The following CDC14A variants were observed in gnomAD, a reference collection of about 807,000 sequenced individuals.
The protein encoded by CDC14A is dual specificity protein phosphatase CDC14A.
CDC14A carries 53 observed loss-of-function variants against 74.4 expected under a neutral mutation model. The observed-to-expected ratio is 0.71, with a 90% confidence interval of 0.57 to 0.89. The LOEUF is 0.89. CDC14A is among the 40% of genes least tolerant of loss of function. CDC14A has a pLI of 0.00. For missense variants in CDC14A, 646 were observed against 713.7 expected (o/e 0.91, Z 1.08); for synonymous variants, 247 against 258.4 (o/e 0.96, Z 0.43).
At chr1:100,348,708 T>A (rs1328184999), upstream of CDC14A, among the ~76,000 whole-genome samples, 1 of 152,234 alleles carries the variant, frequency 6.6e-6, no homozygotes, top group Non-Finnish European at 1.5e-5. Flanking sequence ...TGCCTTTGCA[T>A]TTTTGAAGAG....
chr1:100,451,405 C>T (rs755770595), intron 7 of CDC14A, among the ~76,000 whole-genome samples: 2 of 152,170 alleles, frequency 1.3e-5, no homozygotes, highest in Non-Finnish European at 2.9e-5. Flanking sequence ...ACACCGTCTC[C>T]CTCAAAAGCA....
At chr1:100,467,807 T>C in intron 9 of CDC14A, 149 bp from the exon 10 acceptor site, 2 of 733,576 alleles carry the variant, frequency 2.7e-6, no homozygotes, top group Non-Finnish European at 4.2e-6. Flanking sequence ...AAAAATTGGG[T>C]TTTACATGAT....
intron 7 of CDC14A, among the ~76,000 whole-genome samples, chr1:100,449,274 G>A (rs890942588): frequency 6.6e-5 from 10 of 152,136 alleles, no homozygotes; most frequent in South Asian, 4.1e-4. Flanking sequence ...GGGCCTCTTC[G>A]ATCAAGACTT....
chr1:100,413,287 T>C (rs1661111984), intron 4 of CDC14A, among the ~76,000 whole-genome samples: 1 of 152,168 alleles, frequency 6.6e-6, no homozygotes, highest in Non-Finnish European at 1.5e-5. Flanking sequence ...TTGTGTGCAT[T>C]GTTAGTTTTC....
At chr1:100,363,802 T>C (rs1480658112) in intron 2 of CDC14A, among the ~76,000 whole-genome samples, 2 of 152,132 alleles carry the variant, frequency 1.3e-5, no homozygotes, top group Non-Finnish European at 2.9e-5. Flanking sequence ...ATATCAAAGT[T>C]TTATAATTTG....
At chr1:100,415,338 C>T (rs574547108) in intron 4 of CDC14A, among the ~76,000 whole-genome samples, 2 of 152,258 alleles carry the variant, frequency 1.3e-5, no homozygotes, top group Admixed American at 6.5e-5. Flanking sequence ...AAAGAGATGT[C>T]ACATGAGGGT....
At chr1:100,357,102 G>C (rs1652020332) in intron 2 of CDC14A, among the ~76,000 whole-genome samples, 1 of 152,048 alleles carries the variant, frequency 6.6e-6, no homozygotes, top group African/African-American at 2.4e-5. Context: ...TGGCTTTGGT[G>C]GGAAGATCAG....
At chr1:100,365,985 T>C (rs1307306511) in intron 2 of CDC14A, among the ~76,000 whole-genome samples, 1 of 129,886 alleles carries the variant, frequency 7.7e-6, no homozygotes, top group East Asian at 2.1e-4. Context: ...CACGGTCTCA[T>C]TGTGTTTTGG....
intron 2 of CDC14A, among the ~76,000 whole-genome samples, chr1:100,367,768 G>A (rs1439189672): frequency 1.3e-5 from 2 of 152,134 alleles, no homozygotes; most frequent in Non-Finnish European, 2.9e-5. Flanking sequence ...GGCCCACTGA[G>A]CTTCAACATA....
At chr1:100,421,624 A>T (rs988008848) in intron 4 of CDC14A, among the ~76,000 whole-genome samples, 12 of 152,206 alleles carry the variant, frequency 7.9e-5, no homozygotes, top group South Asian at 2.1e-4. Flanking sequence ...ATGAAATGGC[A>T]TTTAGGAACT....
At chr1:100,499,779 C>T (rs931034981) in intron 15 of CDC14A, among the ~76,000 whole-genome samples, 3 of 151,978 alleles carry the variant, frequency 2.0e-5, no homozygotes, top group African/African-American at 7.3e-5. Context: ...AGCATTAGGC[C>T]CTTGAATATT....
intron 10 of CDC14A, among the ~76,000 whole-genome samples, chr1:100,482,664 C>G (rs368925128): frequency 6.6e-6 from 1 of 152,066 alleles, no homozygotes; most frequent in African/African-American, 2.4e-5. Flanking sequence ...ATCCTTATAT[C>G]CTGTCCTACC....
chr1:100,371,086 G>T (rs1364898436), intron 2 of CDC14A, among the ~76,000 whole-genome samples: 12 of 152,054 alleles, frequency 7.9e-5, no homozygotes, highest in Admixed American at 7.2e-4. Flanking sequence ...TTACATTTTT[G>T]ATTTGGCTCT....
chr1:100,459,623 ATC>A (rs1382069571), intron 8 of CDC14A, among the ~76,000 whole-genome samples: 1 of 152,162 alleles, frequency 6.6e-6, no homozygotes, highest in Non-Finnish European at 1.5e-5. Flanking sequence ...GAATAAAAAC[ATC>A]TCTTTTGACT....
At chr1:100,393,046 C>T (rs1323840968) in intron 4 of CDC14A, 32 of 1,395,246 alleles carry the variant, frequency 2.3e-5, no homozygotes, top group African/African-American at 8.6e-5. Flanking sequence ...GAAGTCTTGC[C>T]GGATGTTTTC....
chr1:100,419,425 A>G (rs573927669), intron 4 of CDC14A, among the ~76,000 whole-genome samples: 13 of 152,362 alleles, frequency 8.5e-5, no homozygotes, highest in African/African-American at 3.1e-4. Context: ...CTTCACCAGT[A>G]AAAGAAACAT....
rs370731452 is a variant in CDC14A, at chr1:100,484,671, G to C, written c.1137+220G>C. On this transcript the variant is annotated intron_variant, in intron 11 of 15. Coordinates refer to ENST00000336454, the MANE Select transcript of CDC14A (RefSeq NM_003672.4). ...ATTTAAGGAGTAAATTATAAAGGAGGCTACTCTGGTAAGGGGTAATATTTA... is the reference window on the plus strand; with the variant it reads ...ATTTAAGGAGTAAATTATAAAGGAGCCTACTCTGGTAAGGGGTAATATTTA... The C allele has an allele frequency of 1.3e-5, 15 of 1,134,146 alleles. No individual in the cohort carries two copies. The East Asian group carries it at 6.4e-4, about 48-fold the overall frequency. The allele number at this position is 1,134,146 out of a possible 1,614,324, so 70.3% of individuals were successfully genotyped here. A position where few individuals can be genotyped will look rare whatever the true frequency, so the allele number is the denominator to read the frequency against.
Position 100,453,203 on chromosome 1 carries a change from G to T in CDC14A, c.520-2202G>T, listed in dbSNP as rs184352109. On this transcript the variant is annotated intron_variant, in intron 7 of 15. Transcript: ENST00000336454. ...TATTCTTTTGGTTCTGTGAATGAATGTATCTTAGGGATCCCCTTGCCTCTC... is the reference window on the plus strand; with the variant it reads ...TATTCTTTTGGTTCTGTGAATGAATTTATCTTAGGGATCCCCTTGCCTCTC... Among the ~76,000 whole-genome samples the T allele has an allele frequency of 3.3e-3, 502 of 152,126 alleles. 3 individuals are homozygous for T. Among genetic ancestry groups the T allele is most frequent in the African/African-American group, 0.011 (456 of 41,442 alleles).
chr1:100,514,453 A>G (rs1416820315), intron 15 of CDC14A, among the ~76,000 whole-genome samples: 1 of 152,176 alleles, frequency 6.6e-6, no homozygotes, highest in Admixed American at 6.5e-5. Flanking sequence ...TTATTCACTC[A>G]GAATCATATC....
Sources: allele counts gnomAD v4.1 joint callset (sites outside exome capture counted in the v4.1 genomes callset), GRCh38; gene constraint gnomAD v4.1.1; transcripts MANE v1.5; gene names NCBI Gene and HGNC (gene_info 2026-07-23, HGNC 2026-07-21).